The following CTAGE4 variants were observed in gnomAD, a reference collection of about 807,000 sequenced individuals.
CTAGE4 encodes the protein CTAGE family member 4, also known as cutaneous T-cell lymphoma-associated antigen 4.
For missense variants in CTAGE4, 17 were observed against 366.6 expected (o/e 0.05, Z 7.79); for synonymous variants, 4 against 126.0 (o/e 0.03, Z 6.48).
chr7:144,184,955 T>C lies in CTAGE4; in HGVS notation c.1452T>C (p.Ala484=). 1.1e-5 allele frequency: 1 copy of C among 87,888 alleles called. No individual in the cohort carries two copies. The allele number at this position is 87,888 out of a possible 1,614,324, so 5.4% of individuals were successfully genotyped here. ...RNLSDLRKEN[A]HNKQKLTETE... ...TCAGTGATTTAAGGAAAGAAAATGC[T>C]CACAACAAACAAAAATTAACTGAAA... is the stretch of plus-strand genomic sequence containing the variant. The change falls in exon 1 of 1, where the codon GCT becomes GCC. Residue 484 remains alanine (A), a synonymous_variant. Transcript: ENST00000486333.
chr7:144,185,661 C>T lies in CTAGE4; in HGVS notation c.2158C>T (p.Pro720Ser). 1 of 1,542,138 alleles carries T rather than the reference C, an allele frequency of 6.5e-7. No individual in the cohort carries two copies. The highest frequency in any genetic ancestry group is 8.9e-7 in the Non-Finnish European group (1 of 1,128,120). ...TRGPFMRRGP[P>S]FPPPPPGTMF... ...GGGCCCGTTCATGAGAAGAGGACCT[C>T]CTTTCCCCCCACCTCCTCCAGGAAC... Residue 720 changes from proline to serine, a missense_variant, in exon 1 of 1, where the codon CCT becomes TCT. Pro to Ser is a moderately conservative substitution (Grantham distance 74). Transcript: ENST00000486333.
Position 144,185,621 on chromosome 7 carries a change from T to G in CTAGE4, c.2118T>G (p.Phe706Leu). 1 of 1,539,530 alleles carries G rather than the reference T, an allele frequency of 6.5e-7. No homozygotes were observed. Among genetic ancestry groups the G allele is most frequent in the Non-Finnish European group, 8.9e-7 (1 of 1,125,216 alleles). The change falls in exon 1 of 1, where the codon TTT becomes TTG. Residue 706 changes from phenylalanine (F) to leucine (L), a missense_variant. Physicochemically the swap from Phe to Leu is conservative, Grantham distance 22. Transcript: ENST00000486333. ...TTGCTCCAATCAGCGGTCCATTGTT[T>G]CCAGTGGATACAAGGGGCCCGTTCA... ...PPLAPISGPL[F>L]PVDTRGPFMR...
Sources: gnomAD v4.1 joint callset for allele counts on GRCh38, gnomAD v4.1.1 for gene constraint, MANE v1.5 for transcripts, NCBI Gene and HGNC (gene_info 2026-07-23, HGNC 2026-07-21) for gene names.